The following ATP2B3 variants were observed in gnomAD, a reference collection of about 807,000 sequenced individuals.
ATP2B3 encodes the protein plasma membrane calcium-transporting ATPase 3.
ATP2B3 carries 12 observed loss-of-function variants against 70.8 expected under a neutral mutation model. The observed-to-expected ratio is 0.17, with a 90% CI of 0.11 to 0.27. The LOEUF is 0.27. Ranked by LOEUF, ATP2B3 falls within the 10% of genes least tolerant of loss-of-function variation. The pLI is 1.00. For missense variants in ATP2B3, 858 were observed against 1,118.5 expected (o/e 0.77, Z 3.32); for synonymous variants, 460 against 497.8 (o/e 0.92, Z 1.01).
At chrX:153,572,678 A>T (rs972656762) in intron 21 of ATP2B3, among the ~76,000 whole-genome samples, 14 of 109,518 alleles carry the variant, frequency 1.3e-4, no homozygotes, top group Non-Finnish European at 2.5e-4. Flanking sequence ...ACAACTTCTG[A>T]CCCCCAGCTC....
At chrX:153,574,038 GCATGTGACATCCC>G (rs2090824369) in intron 21 of ATP2B3, among the ~76,000 whole-genome samples, 1 of 112,774 alleles carries the variant, frequency 8.9e-6, no homozygotes, top group Admixed American at 9.3e-5. Flanking sequence ...CCTAATTCAA[GCATGTGACATCCC>G]CATGGGGTAG....
chrX:153,571,196 C>T (rs1223306613), intron 21 of ATP2B3, among the ~76,000 whole-genome samples: 1 of 112,239 alleles, frequency 8.9e-6, no homozygotes, highest in Non-Finnish European at 1.9e-5. Context: ...AAAGGGGCCT[C>T]GCCGCCACTC....
intron 17 of ATP2B3, among the ~76,000 whole-genome samples, chrX:153,558,972 A>G (rs5945144): frequency 0.19 from 20,683 of 110,730 alleles, 2,821 homozygotes; most frequent in African/African-American, 0.49. Context: ...GATTTTCTTC[A>G]CCCCGCCTTA....
At chrX:153,559,508 C>A (rs2090591160) in intron 17 of ATP2B3, 1 of 420,758 alleles carries the variant, frequency 2.4e-6, no homozygotes, top group South Asian at 4.0e-5. Context: ...GGATTTGGAG[C>A]ACACCTGCTG....
Position 153,553,173 on chromosome X carries a change from T to G in ATP2B3, c.1962T>G (p.Ser654=). ...TCTGCATCGCCTACCGGGACTTCTCTGCAGGCCAGGAGCCCGACTGGGACA... is the reference window on the plus strand; with the variant it reads ...TCTGCATCGCCTACCGGGACTTCTCGGCAGGCCAGGAGCCCGACTGGGACA... The part of the protein sequence containing the change: ...RTICIAYRDF[S]AGQEPDWDNE... Residue 654 remains serine (S), a synonymous_variant, in exon 13 of 22, where the codon TCT becomes TCG. Coordinates refer to ENST00000263519, the MANE Select transcript of ATP2B3 (RefSeq NM_001001344.3). The G allele has an allele frequency of 8.3e-7, 1 of 1,211,878 alleles. No individual in the cohort carries two copies. Among genetic ancestry groups the G allele is most frequent in the South Asian group, 1.8e-5 (1 of 56,988 alleles).
intron 20 of ATP2B3, among the ~76,000 whole-genome samples, chrX:153,563,920 G>C (rs2090663515): frequency 8.8e-6 from 1 of 113,047 alleles, no homozygotes; most frequent in South Asian, 3.7e-4. Flanking sequence ...CACTGGCATA[G>C]ACACACAAGA....
intron 21 of ATP2B3, among the ~76,000 whole-genome samples, chrX:153,566,520 G>A (rs1294937728): frequency 8.9e-6 from 1 of 111,765 alleles, no homozygotes; most frequent in African/African-American, 3.3e-5. Flanking sequence ...CTCAAGGGCC[G>A]AGTCTCAAGG....
chrX:153,557,673 C>T (rs782352794), intron 16 of ATP2B3, among the ~76,000 whole-genome samples: 2 of 111,852 alleles, frequency 1.8e-5, no homozygotes, highest in East Asian at 2.8e-4. Context: ...GCTGCAGCTG[C>T]GCCTCCATGG....
At chrX:153,578,647 G>A (rs938060239) in intron 21 of ATP2B3, among the ~76,000 whole-genome samples, 1 of 112,753 alleles carries the variant, frequency 8.9e-6, no homozygotes, top group African/African-American at 3.2e-5. Flanking sequence ...GGGGGCAGAG[G>A]GCCACTGTGC....
chrX:153,551,756 G>A (rs782513600), intron 12 of ATP2B3, among the ~76,000 whole-genome samples: 1 of 112,094 alleles, frequency 8.9e-6, no homozygotes, highest in Non-Finnish European at 1.9e-5. Flanking sequence ...TCCCAATAAA[G>A]CTATTAGAAC....
chrX:153,562,301 C>T, intron 20 of ATP2B3, 59 bp downstream of exon 20: 1 of 1,059,119 alleles, frequency 9.4e-7, no homozygotes, highest in Non-Finnish European at 1.3e-6. Flanking sequence ...CTGTGATGGG[C>T]CCACTTGCCC....
Position 153,543,185 on chromosome X carries a change from G to C in ATP2B3, c.916+17G>C. On this transcript the variant is annotated intron_variant, in intron 7 of 21. Transcript: ENST00000263519. The stretch of plus-strand genomic sequence containing the variant: ...ATAAGAAAGGTAGCGCAGCAGTGCC[G>C]CCAGTCCCTGGTGCTGGTGGCGGCT... 1 of 1,199,947 alleles carries C rather than the reference G, an allele frequency of 8.3e-7. No individual in the cohort carries two copies. The highest frequency in any genetic ancestry group is 1.1e-6 in the Non-Finnish European group (1 of 889,460).
rs190372353 is a variant in ATP2B3 at position 153,541,562 on chromosome X, G to C, written c.406+6G>C. 8.4e-5 allele frequency: 101 copies of C among 1,209,073 alleles called. No individual in the cohort carries two copies. The African/African-American group carries it at 1.6e-3, about 19-fold the overall frequency. On this transcript the variant is annotated splice_donor_region_variant and intron_variant, in intron 4 of 21. Transcript: ENST00000263519. ...GCCAGGAGAGGAGAGTGAAGGTAAG[G>C]CCCGGGGGCCTGGGCTGGAAGGAGG... is the stretch of plus-strand genomic sequence containing the variant.
chrX:153,520,331 C>T (rs2089941737), intron 2 of ATP2B3, among the ~76,000 whole-genome samples: 2 of 112,608 alleles, frequency 1.8e-5, no homozygotes, highest in Middle Eastern at 4.6e-3. Flanking sequence ...GAGCTGAGTA[C>T]CCTCTGGGCC....
chrX:153,537,495 C>A (rs1232044611), intron 3 of ATP2B3, among the ~76,000 whole-genome samples: 2 of 113,593 alleles, frequency 1.8e-5, no homozygotes, highest in Non-Finnish European at 3.7e-5. Context: ...TCGGCCCCGT[C>A]TGTCTGCAGG....
At chrX:153,542,088 A>T (rs2090293084) in intron 5 of ATP2B3, among the ~76,000 whole-genome samples, 162 bp downstream of exon 5, 1 of 75,336 alleles carries the variant, frequency 1.3e-5, no homozygotes, top group Non-Finnish European at 2.2e-5. Flanking sequence ...AGGTGGGGGA[A>T]CACGGGGCAG....
chrX:153,541,566 G>A lies in ATP2B3; in HGVS notation c.406+10G>A, dbSNP rs782717289. 7 of 1,208,671 alleles carry A rather than the reference G, an allele frequency of 5.8e-6. No individual in the cohort carries two copies. Among genetic ancestry groups the A allele is most frequent in the East Asian group, 3.0e-5 (1 of 33,730 alleles). The stretch of plus-strand genomic sequence containing the variant: ...GGAGAGGAGAGTGAAGGTAAGGCCC[G>A]GGGGCCTGGGCTGGAAGGAGGAAGA... On this transcript the variant is annotated intron_variant, in intron 4 of 21. Transcript: ENST00000263519.
At chrX:153,574,754 C>T (rs2090833865) in intron 21 of ATP2B3, 1 of 328,644 alleles carries the variant, frequency 3.0e-6, no homozygotes, top group Admixed American at 3.1e-5. Context: ...CAAACTCCAG[C>T]ACTTGAAGGC....
At chrX:153,567,591 G>A (rs1217741675) in intron 21 of ATP2B3, among the ~76,000 whole-genome samples, 5 of 112,843 alleles carry the variant, frequency 4.4e-5, no homozygotes, top group Admixed American at 9.3e-5. Flanking sequence ...GTGGTACCCC[G>A]GCCACCTGTG....
Sources: allele counts gnomAD v4.1 joint callset (sites outside exome capture counted in the v4.1 genomes callset), GRCh38; gene constraint gnomAD v4.1.1; transcripts MANE v1.5; gene names NCBI Gene and HGNC (gene_info 2026-07-23, HGNC 2026-07-21).